Variants in CEP83 observed in about 807,000 individuals in gnomAD.
CEP83 encodes the protein centrosomal protein of 83 kDa.
In CEP83, 70 loss-of-function variants were observed where a neutral mutation model predicts 101.9. The observed-to-expected ratio is 0.69, with a 90% CI of 0.57 to 0.84. The LOEUF (loss-of-function observed/expected upper bound fraction) is 0.84, where lower values mean the gene tolerates loss of function less well. Among genes scored for constraint, CEP83 ranks in the 40% least tolerant of loss-of-function variants. The probability of loss-of-function intolerance (pLI) is 0.00; values close to 1 mark genes in which losing one functional copy is unlikely to be tolerated. For synonymous variants in CEP83, 264 were observed against 267.9 expected (o/e 0.99, Z 0.14); for missense variants, 715 against 787.2 (o/e 0.91, Z 1.10).
chr12:94,411,803 A>G lies in CEP83; in HGVS notation c.218T>C (p.Leu73Pro). ...CTGCTGAGTTTGCTTTTCATTAAAC[A>G]GGTGCTTGAGTTCATTTTGTAACTT... ...HVKLQNELKHLFNEKQTQQEK... is the reference protein window; with the variant it reads ...HVKLQNELKHPFNEKQTQQEK... The change falls in exon 4 of 17, where the codon CTG becomes CCG. Residue 73 changes from leucine (L) to proline (P), a missense_variant. Transcript: ENST00000397809. 1.2e-6 allele frequency: 2 copies of G among 1,612,974 alleles called. No homozygotes were observed. The highest frequency in any genetic ancestry group is 2.2e-5 in the East Asian group (1 of 44,746).
chr12:94,368,309 G>C, intron 9 of CEP83, 108 bp from the exon 10 acceptor site: 3 of 743,058 alleles, frequency 4.0e-6, no homozygotes, highest in Non-Finnish European at 4.3e-6. Flanking sequence ...AATGTAGAAA[G>C]TCTCTACAAA....
At chr12:94,454,634 G>T (rs73372214) in intron 1 of CEP83, among the ~76,000 whole-genome samples, 1 of 152,142 alleles carries the variant, frequency 6.6e-6, no homozygotes, top group Non-Finnish European at 1.5e-5. Context: ...CTTCCATGCC[G>T]TGGAAGCTCT....
At chr12:94,426,841 G>A (rs936331697) in intron 2 of CEP83, among the ~76,000 whole-genome samples, 1 of 152,112 alleles carries the variant, frequency 6.6e-6, no homozygotes, top group Non-Finnish European at 1.5e-5. Context: ...GAAAGATGTA[G>A]CCATAAGCCA....
At chr12:94,328,639 G>A (rs2059075105) in intron 14 of CEP83, among the ~76,000 whole-genome samples, 1 of 152,116 alleles carries the variant, frequency 6.6e-6, no homozygotes, top group Non-Finnish European at 1.5e-5. Context: ...TCAAATAGAA[G>A]CATTATCTTT....
At chr12:94,268,123 C>G in the CEP83 span, among the ~76,000 whole-genome samples, 1 of 152,160 alleles carries the variant, frequency 6.6e-6, no homozygotes, top group Non-Finnish European at 1.5e-5. Context: ...AAAAAGGCCC[C>G]CACACTCGTG....
intron 6 of CEP83, among the ~76,000 whole-genome samples, chr12:94,397,436 T>C (rs2062969935): frequency 6.6e-6 from 1 of 152,128 alleles, no homozygotes; most frequent in Admixed American, 6.5e-5. Context: ...AGGCAGAGGC[T>C]GCAGTAAGCC....
At position 94,308,742 on chromosome 12, in the gene CEP83, A is replaced by G; in HGVS notation, c.*71T>C. The G allele has an allele frequency of 2.9e-6, 3 of 1,020,236 alleles. No individual in the cohort carries two copies. In the Admixed American group the frequency reaches 5.5e-5, roughly 19 times the overall value. 63.2% of individuals were successfully genotyped at this position (1,020,236 alleles called of 1,614,324 possible). The stretch of plus-strand genomic sequence containing the variant: ...AAACAGTAAAAAGTATCTAAATGCC[A>G]CAGGTTAAAATGTCAAGTTTTACTG... On this transcript the variant is annotated 3_prime_UTR_variant, in exon 17 of 17. Transcript: ENST00000397809.
intron 11 of CEP83, among the ~76,000 whole-genome samples, chr12:94,357,677 T>A (rs1231299668): frequency 6.6e-6 from 1 of 152,100 alleles, no homozygotes; most frequent in East Asian, 1.9e-4. Context: ...CTGCAAAAGG[T>A]CCCAACAGGA....
intron 11 of CEP83, among the ~76,000 whole-genome samples, chr12:94,354,461 C>T (rs1178352241): frequency 6.6e-6 from 1 of 152,130 alleles, no homozygotes; most frequent in East Asian, 1.9e-4. Context: ...GCTGGGATTA[C>T]AGGTATGAGC....
intron 2 of CEP83, among the ~76,000 whole-genome samples, chr12:94,422,195 A>T (rs998371955): frequency 6.6e-6 from 1 of 152,216 alleles, no homozygotes; most frequent in Non-Finnish European, 1.5e-5. Context: ...TCAGGACAAG[A>T]ACAGAATGTG....
the CEP83 span, chr12:94,300,984 T>C: frequency 6.2e-7 from 1 of 1,613,850 alleles, no homozygotes; most frequent in Non-Finnish European, 8.5e-7. Flanking sequence ...ACACCACATA[T>C]AGACGGCTGT....
rs2064447618 is a variant in CEP83 at position 94,418,296 on chromosome 12, G to A, written c.-101-5705C>T. ...GAACTGCTTGAATCTGGGAGGCAGA[G>A]GCTGCAGTGAGCCAAGATTGTGTCA... On this transcript the variant is annotated intron_variant, in intron 2 of 16. Coordinates refer to ENST00000397809, the MANE Select transcript of CEP83 (RefSeq NM_016122.3). 3.9e-5 allele frequency among the ~76,000 whole-genome samples: 6 copies of A among 152,332 alleles called. No individual in the cohort carries two copies. The South Asian group carries it at 1.2e-3, about 32-fold the overall frequency.
intron 6 of CEP83, among the ~76,000 whole-genome samples, chr12:94,384,512 T>C (rs1241179627): frequency 6.6e-6 from 1 of 152,196 alleles, no homozygotes; most frequent in Non-Finnish European, 1.5e-5. Flanking sequence ...CCCTCTTTTC[T>C]CCTTTCAGGG....
intron 11 of CEP83, among the ~76,000 whole-genome samples, chr12:94,344,752 A>G (rs2059852814): frequency 6.6e-6 from 1 of 152,156 alleles, no homozygotes; most frequent in Non-Finnish European, 1.5e-5. Context: ...TTCTCCTCAA[A>G]TTGACCTAAA....
At chr12:94,391,195 A>G (rs150490958) in intron 6 of CEP83, among the ~76,000 whole-genome samples, 2,833 of 152,260 alleles carry the variant, frequency 0.019, 79 homozygotes, top group African/African-American at 0.064. Context: ...CAAGGTTGAA[A>G]TGAAGGAAAA....
rs1969332898 is a variant in CEP83, at chr12:94,308,578, C to CA, written c.*234dup. 2 of 294,956 alleles carry CA rather than the reference C, an allele frequency of 6.8e-6. No homozygotes were observed. Among genetic ancestry groups the CA allele is most frequent in the Admixed American group, 5.0e-5 (1 of 19,958 alleles). The allele number at this position is 294,956 out of a possible 1,614,324, so 18.3% of individuals were successfully genotyped here. A position where few individuals can be genotyped will look rare whatever the true frequency, so the allele number is the denominator to read the frequency against. ...CTAGTTCCTTTTTGTTTTACATTCT[C>CA]AAACCATTGTCAAATATTCTAAATA... On this transcript the variant is annotated 3_prime_UTR_variant, in exon 17 of 17. Transcript: ENST00000397809.
At chr12:94,393,361 C>A (rs1339411486) in intron 6 of CEP83, among the ~76,000 whole-genome samples, 1 of 152,054 alleles carries the variant, frequency 6.6e-6, no homozygotes, top group Non-Finnish European at 1.5e-5. Context: ...ATAAACAGAA[C>A]CAAAGACAAA....
At chr12:94,283,032 G>A in the CEP83 span, among the ~76,000 whole-genome samples, 1 of 152,202 alleles carries the variant, frequency 6.6e-6, no homozygotes, top group African/African-American at 2.4e-5. Flanking sequence ...GGGTTCACTT[G>A]TTTAGCAGTA....
chr12:94,394,603 A>G (rs1489934981), intron 6 of CEP83, among the ~76,000 whole-genome samples: 2 of 152,258 alleles, frequency 1.3e-5, no homozygotes, highest in Non-Finnish European at 1.5e-5. Flanking sequence ...AGCAATGGCA[A>G]CAAAAGCCAA....
Sources: allele counts gnomAD v4.1 joint callset (sites outside exome capture counted in the v4.1 genomes callset), GRCh38; gene constraint gnomAD v4.1.1; transcripts MANE v1.5; gene names NCBI Gene and HGNC (gene_info 2026-07-23, HGNC 2026-07-21).